Variants in CTNNA1 observed in about 807,000 individuals in gnomAD.
CTNNA1 encodes the protein catenin alpha-1.
A neutral mutation model predicts 98.4 loss-of-function variants in CTNNA1; 37 were observed. That is an observed-to-expected ratio of 0.38 (90% CI 0.29 to 0.49). CTNNA1 has a LOEUF of 0.49. Ranked by LOEUF, CTNNA1 falls within the 20% of genes least tolerant of loss-of-function variation. The probability of loss-of-function intolerance (pLI) is 0.95; values close to 1 mark genes in which losing one functional copy is unlikely to be tolerated. For synonymous variants in CTNNA1, 404 were observed against 413.2 expected, an observed-to-expected ratio of 0.98 and a Z score of 0.27; for missense variants, 761 against 1,147.2, an observed-to-expected ratio of 0.66 and a Z score of 4.86.
chr5:138,895,776 G>T (rs1025156234), intron 9 of CTNNA1, among the ~76,000 whole-genome samples: 5 of 152,116 alleles, frequency 3.3e-5, no homozygotes, highest in Admixed American at 6.5e-5. Context: ...GGTGATACGT[G>T]CAAGTTGTCC....
chr5:138,842,639 A>G (rs1762370019), intron 7 of CTNNA1, among the ~76,000 whole-genome samples: 1 of 152,192 alleles, frequency 6.6e-6, no homozygotes, highest in Non-Finnish European at 1.5e-5. Context: ...TGTTGTGGAA[A>G]ATCAGACCTT....
intron 1 of CTNNA1, among the ~76,000 whole-genome samples, chr5:138,756,143 A>G (rs753451510): frequency 1.5e-4 from 23 of 149,506 alleles, no homozygotes; most frequent in Non-Finnish European, 3.1e-4. Context: ...GGTTCAAGCA[A>G]CTCTCCTGCC....
At chr5:138,838,901 G>A (rs1762035540) in intron 7 of CTNNA1, among the ~76,000 whole-genome samples, 1 of 152,072 alleles carries the variant, frequency 6.6e-6, no homozygotes, top group Non-Finnish European at 1.5e-5. Context: ...AAAGTGCTGG[G>A]ATTACAGGCG....
chr5:138,808,814 T>C (rs1030600038), intron 3 of CTNNA1, among the ~76,000 whole-genome samples: 9 of 151,910 alleles, frequency 5.9e-5, no homozygotes, highest in African/African-American at 2.2e-4. Flanking sequence ...ATTCCAAAGA[T>C]AGTCTCCATA....
At chr5:138,931,241 G>T (rs190870999) in intron 16 of CTNNA1, among the ~76,000 whole-genome samples, 7 of 152,286 alleles carry the variant, frequency 4.6e-5, no homozygotes, top group Admixed American at 6.5e-5. Context: ...TGCTGTGGAA[G>T]GCTGGTGTGC....
At chr5:138,833,378 A>G (rs1439259717) in intron 7 of CTNNA1, among the ~76,000 whole-genome samples, 2 of 152,230 alleles carry the variant, frequency 1.3e-5, no homozygotes, top group African/African-American at 2.4e-5. Flanking sequence ...TTGAAATGTG[A>G]CAAGTCTAAA....
intron 9 of CTNNA1, among the ~76,000 whole-genome samples, chr5:138,902,229 C>G (rs1758198702): frequency 6.6e-6 from 1 of 152,150 alleles, no homozygotes; most frequent in Admixed American, 6.5e-5. Flanking sequence ...CTTACGTAAT[C>G]TTTTGCTTCT....
At chr5:138,904,215 A>G in intron 9 of CTNNA1, 134 bp from the exon 10 acceptor site, 1 of 1,041,610 alleles carries the variant, frequency 9.6e-7, no homozygotes, top group South Asian at 2.0e-5. Context: ...GTAAATAATC[A>G]GGCTGTGAGA....
At chr5:138,876,682 G>A (rs1751633412) in intron 7 of CTNNA1, among the ~76,000 whole-genome samples, 3 of 152,306 alleles carry the variant, frequency 2.0e-5, no homozygotes, top group African/African-American at 4.8e-5. Flanking sequence ...CAAGAACATC[G>A]TTGGCCTTTT....
At chr5:138,801,689 A>G (rs1399262565) in intron 3 of CTNNA1, among the ~76,000 whole-genome samples, 2 of 152,346 alleles carry the variant, frequency 1.3e-5, no homozygotes, top group African/African-American at 2.4e-5. Context: ...CAAAGTGTGT[A>G]GTTGTGTTGC....
chr5:138,784,575 TA>T, intron 3 of CTNNA1, among the ~76,000 whole-genome samples: 1 of 152,250 alleles, frequency 6.6e-6, no homozygotes, highest in Non-Finnish European at 1.5e-5. Flanking sequence ...AATTCCACAG[TA>T]CTAATTAGGC....
At chr5:138,807,271 G>T (rs759222576) in intron 3 of CTNNA1, among the ~76,000 whole-genome samples, 1 of 151,832 alleles carries the variant, frequency 6.6e-6, no homozygotes, top group Non-Finnish European at 1.5e-5. Context: ...GCCTCCCAAA[G>T]TCCTGGGATT....
rs571451903 is a variant in CTNNA1, at chr5:138,882,852, G to A, written c.1063-3360G>A. Reference sequence around the variant, plus strand: ...TGTTTGTTTGTTTGTTTTTTGAGACGGAGTCTCGCTTTGTCACCCAGGCTG... The same window carrying A: ...TGTTTGTTTGTTTGTTTTTTGAGACAGAGTCTCGCTTTGTCACCCAGGCTG... On this transcript the variant is annotated intron_variant, in intron 7 of 17. Coordinates refer to ENST00000302763, the MANE Select transcript of CTNNA1 (RefSeq NM_001903.5). 2.6e-5 allele frequency among the ~76,000 whole-genome samples: 4 copies of A among 152,222 alleles called. No individual in the cohort carries two copies. In the East Asian group the frequency reaches 7.7e-4, roughly 29 times the overall value.
chr5:138,878,767 T>C (rs1337531958), intron 7 of CTNNA1, among the ~76,000 whole-genome samples: 1 of 152,240 alleles, frequency 6.6e-6, no homozygotes, highest in Non-Finnish European at 1.5e-5. Flanking sequence ...GGGAGCTTTA[T>C]ATTTGCTTTA....
intron 7 of CTNNA1, among the ~76,000 whole-genome samples, chr5:138,831,000 ATTATG>A (rs1761228146): frequency 6.6e-6 from 1 of 152,220 alleles, no homozygotes; most frequent in African/African-American, 2.4e-5. Context: ...TATTAGACAA[ATTATG>A]TTATGTGGAG....
intron 5 of CTNNA1, among the ~76,000 whole-genome samples, chr5:138,817,255 C>A (rs186231363): frequency 1.1e-4 from 17 of 152,240 alleles, no homozygotes; most frequent in Non-Finnish European, 1.5e-5. Context: ...GCATAGAAAT[C>A]TGCGTTATTC....
At chr5:138,924,840 G>A in intron 12 of CTNNA1, 130 bp downstream of exon 12, 1 of 806,302 alleles carries the variant, frequency 1.2e-6, no homozygotes, top group Non-Finnish European at 2.0e-6. Flanking sequence ...GGCACATCGG[G>A]CTCCTGAGAA....
rs764691345 is a variant in CTNNA1 at position 138,783,196 on chromosome 5, C to G, written c.125C>G (p.Thr42Ser). The G allele has an allele frequency of 1.9e-6, 3 of 1,610,774 alleles. No individual in the cohort carries two copies. In the Admixed American group the frequency reaches 5.0e-5, roughly 27 times the overall value. The change falls in exon 3 of 18, where the codon ACC becomes AGC. Residue 42 changes from threonine to serine, a missense_variant. Physicochemically the swap from Thr to Ser is moderately conservative, Grantham distance 58. Around this residue, in one of 6 missense-constraint regions of CTNNA1, gnomAD observed 328 missense variants for 354.3 expected, o/e 0.93. Transcript: ENST00000302763. ...TTTTAGGTTACAACCCTTGTAAACACCAATAGTAAAGGGCCCTCTAATAAG... is the reference window on the plus strand; with the variant it reads ...TTTTAGGTTACAACCCTTGTAAACAGCAATAGTAAAGGGCCCTCTAATAAG... The part of the protein sequence containing the change: ...LVTQVTTLVN[T>S]NSKGPSNKKR...
chr5:138,875,289 C>A, intron 7 of CTNNA1: 1 of 554,384 alleles, frequency 1.8e-6, no homozygotes, highest in Non-Finnish European at 2.4e-6. Flanking sequence ...CCTGGAGCAG[C>A]ATGAGTGCAT....
Sources: gnomAD v4.1 joint callset for allele counts (sites outside exome capture counted in the v4.1 genomes callset) on GRCh38, gnomAD v4.1.1 for gene constraint, gnomAD v4.1.1 regional missense constraint, MANE v1.5 for transcripts, NCBI Gene and HGNC (gene_info 2026-07-23, HGNC 2026-07-21) for gene names.